Variants in KRABD4 observed in about 807,000 individuals in gnomAD.
KRABD4 encodes the protein KRAB domain containing 4.
chrX:46,463,198 G>C, the KRABD4 span: 10 of 1,209,823 alleles, frequency 8.3e-6, no homozygotes, highest in Admixed American at 2.2e-5. Context: ...CCCCGAACAG[G>C]GTATCTAGTT....
chrX:46,473,552 T>C, the KRABD4 span: 1 of 578,699 alleles, frequency 1.7e-6, no homozygotes, highest in East Asian at 3.6e-5. Context: ...ACTCTCATTG[T>C]ATGTCACAGA....
chrX:46,449,753 C>T, the KRABD4 span, among the ~76,000 whole-genome samples: 1 of 111,983 alleles, frequency 8.9e-6, no homozygotes, highest in Non-Finnish European at 1.9e-5. Context: ...TATTTAGTTG[C>T]TTCCAATTTT....
At chrX:46,461,389 C>T in the KRABD4 span, among the ~76,000 whole-genome samples, 31 of 111,219 alleles carry the variant, frequency 2.8e-4, no homozygotes, top group Admixed American at 1.3e-3. Flanking sequence ...GGAGCTATCA[C>T]GAGGGAGGGG....
At chrX:46,453,316 G>T in the KRABD4 span, among the ~76,000 whole-genome samples, 33 of 112,079 alleles carry the variant, frequency 2.9e-4, no homozygotes, top group African/African-American at 1.1e-3. Context: ...TCTCCGTCTG[G>T]ATGGAAAGAA....
At chrX:46,465,044 G>C in the KRABD4 span, among the ~76,000 whole-genome samples, 1 of 111,975 alleles carries the variant, frequency 8.9e-6, no homozygotes, top group Non-Finnish European at 1.9e-5. Context: ...TCTATGAAAA[G>C]TAAGGATTTC....
chrX:46,455,684 G>T, the KRABD4 span: 3 of 382,100 alleles, frequency 7.9e-6, no homozygotes, highest in South Asian at 9.7e-5. Flanking sequence ...CTTTCACATG[G>T]AGCTGCAAGT....
At chrX:46,459,204 C>T in the KRABD4 span, among the ~76,000 whole-genome samples, 88 of 109,160 alleles carry the variant, frequency 8.1e-4, no homozygotes, top group South Asian at 0.036. Flanking sequence ...ATCCCACCTA[C>T]TCATGAGGCT....
At chrX:46,468,606 G>A in the KRABD4 span, among the ~76,000 whole-genome samples, 7 of 110,136 alleles carry the variant, frequency 6.4e-5, no homozygotes, top group African/African-American at 2.3e-4. Context: ...ATAATCTAAT[G>A]AAAATTGAAA....
chrX:46,457,330 A>G, the KRABD4 span: 1 of 138,279 alleles, frequency 7.2e-6, no homozygotes, highest in African/African-American at 3.1e-5. Context: ...TAAAACCCGT[A>G]GAATCAAAAG....
At chrX:46,461,028 T>G in the KRABD4 span, among the ~76,000 whole-genome samples, 1 of 101,420 alleles carries the variant, frequency 9.9e-6, no homozygotes, top group African/African-American at 3.7e-5. Context: ...TCAGAGGCTA[T>G]TCCAAGGGTT....
chrX:46,447,875 ACT>A, the KRABD4 span, among the ~76,000 whole-genome samples: 1,856 of 110,070 alleles, frequency 0.017, 36 homozygotes, highest in African/African-American at 0.057. Context: ...TGGACTAGAA[ACT>A]CTGCGGGAGC....
At chrX:46,462,526 A>G in the KRABD4 span, 27 of 495,605 alleles carry the variant, frequency 5.4e-5, no homozygotes, top group African/African-American at 6.7e-4. Context: ...AAAAAAAGAA[A>G]GAAAGGCCAT....
the KRABD4 span, chrX:46,455,811 A>C: frequency 1.4e-5 from 5 of 356,371 alleles, no homozygotes; most frequent in South Asian, 3.2e-5. Flanking sequence ...AGTTGCTCTT[A>C]AGCTCTTCCA....
At chrX:46,447,962 C>T in the KRABD4 span, among the ~76,000 whole-genome samples, 1 of 111,555 alleles carries the variant, frequency 9.0e-6, no homozygotes, top group African/African-American at 3.3e-5. Flanking sequence ...GCACCCATTT[C>T]TTCAGTGAAT....
chrX:46,458,662 T>C, the KRABD4 span, among the ~76,000 whole-genome samples: 3 of 112,153 alleles, frequency 2.7e-5, no homozygotes, highest in Admixed American at 9.5e-5. Flanking sequence ...CTTTTTCTTA[T>C]TTTAATCAGC....
chrX:46,463,490 G>T, the KRABD4 span: 14 of 497,477 alleles, frequency 2.8e-5, no homozygotes, highest in Admixed American at 1.4e-4. Flanking sequence ...TGTGTTCTTT[G>T]TTTGGCATTC....
the KRABD4 span, among the ~76,000 whole-genome samples, chrX:46,448,944 G>A: frequency 8.9e-6 from 1 of 112,332 alleles, no homozygotes; most frequent in Non-Finnish European, 1.9e-5. Flanking sequence ...TTTCCAAGTA[G>A]TCTCTAGGTA....
chrX:46,465,468 T>G, the KRABD4 span, among the ~76,000 whole-genome samples: 2 of 113,116 alleles, frequency 1.8e-5, no homozygotes, highest in Non-Finnish European at 3.7e-5. Flanking sequence ...CTCTACCTGT[T>G]GTAGAATGGG....
the KRABD4 span, among the ~76,000 whole-genome samples, chrX:46,457,507 T>C: frequency 9.0e-6 from 1 of 110,876 alleles, no homozygotes; most frequent in Non-Finnish European, 1.9e-5. Context: ...TTTGAAAAGA[T>C]GTTTACTTTC....
Sources: gnomAD v4.1 joint callset for allele counts (sites outside exome capture counted in the v4.1 genomes callset) on GRCh38, gnomAD v4.1.1 for gene constraint, MANE v1.5 for transcripts, NCBI Gene and HGNC (gene_info 2026-07-23, HGNC 2026-07-21) for gene names.